Variants in MUC6 observed in about 807,000 individuals in gnomAD.
MUC6 encodes the protein mucin 6, oligomeric mucus/gel-forming (gene/pseudogene).
A neutral mutation model predicts 201.5 loss-of-function variants in MUC6; 188 were observed. That is an observed-to-expected ratio of 0.93 (90% CI 0.83 to 1.05). The LOEUF (loss-of-function observed/expected upper bound fraction) is 1.05, where lower values mean the gene tolerates loss of function less well. Ranked by LOEUF, MUC6 falls within the 50% of genes least tolerant of loss-of-function variation. The pLI is 0.00. For synonymous variants in MUC6, 1,228 were observed against 1,389.4 expected (o/e 0.88, Z 2.58); for missense variants, 2,706 against 3,256.9 (o/e 0.83, Z 4.12).
rs117709287 is a variant in MUC6 at position 1,034,399 on chromosome 11, C to A, written c.53-1324G>T. ...AGCCTGGCGAGCACCTACCCCCTCA[C>A]TCATCCCCCTCCTGGGGGTCCCAGT... On this transcript the variant is annotated intron_variant, in intron 1 of 32. Coordinates refer to ENST00000421673, the MANE Select transcript of MUC6 (RefSeq NM_005961.3). Among the ~76,000 whole-genome samples, 142 of 152,340 alleles carry A rather than the reference C, an allele frequency of 9.3e-4. 1 individual carries two copies. The East Asian group carries it at 0.02, about 21-fold the overall frequency.
At chr11:1,018,903 T>G (rs1366945618) in intron 30 of MUC6, 133 bp from the exon 31 acceptor site, 4 of 1,201,726 alleles carry the variant, frequency 3.3e-6, no homozygotes, top group Non-Finnish European at 4.6e-6. Context: ...TGGCCCCTGC[T>G]GGGCACTCCA....
intron 20 of MUC6, 41 bp downstream of exon 20, chr11:1,026,286 C>T (rs764114562): frequency 2.6e-6 from 4 of 1,551,288 alleles, no homozygotes; most frequent in Non-Finnish European, 3.5e-6. Context: ...CCCCAGATGG[C>T]CCCAGGAGCC....
rs1194625466 is a variant in MUC6, at chr11:1,017,606, C to T, written c.5195G>A (p.Gly1732Glu). ...GTPPMTVTTS[G>E]TSQSRSSFST... ...AAATGAGCTTCGGGATTGGCTGGTC[C>T]CACTGGTGGTCACTGTCATTGGTGG... Residue 1732 changes from glycine to glutamate, a missense_variant, in exon 31 of 33, where the codon GGG becomes GAG. Around this residue, in one of 10 missense-constraint regions of MUC6, gnomAD observed 23 missense variants for 16.1 expected, o/e 1.42. Transcript: ENST00000421673. 7.7e-7 allele frequency: 1 copy of T among 1,295,250 alleles called. No individual in the cohort carries two copies. The highest frequency in any genetic ancestry group is 2.9e-5 in the East Asian group (1 of 34,690). The allele number at this position is 1,295,250 out of a possible 1,614,324, so 80.2% of individuals were successfully genotyped here.
In MUC6 at chr11:1,016,117, T is replaced by G. The variant is rs745737267; in HGVS notation, c.6684A>C (p.Ile2228=). ...GGGTGGGAGACACGGTAACAGTGGATATGGGGAGTAGAGCAGAGAGGGTGA... is the reference window on the plus strand; with the variant it reads ...GGGTGGGAGACACGGTAACAGTGGAGATGGGGAGTAGAGCAGAGAGGGTGA... ...SPFTLSALLP[I]STVTVSPTPS... is the part of the protein sequence containing the mutation. Residue 2228 remains isoleucine, a synonymous_variant, in exon 31 of 33, where the codon ATA becomes ATC. Coordinates refer to ENST00000421673, the MANE Select transcript of MUC6 (RefSeq NM_005961.3). The G allele has an allele frequency of 1.3e-5, 21 of 1,612,572 alleles. No individual in the cohort carries two copies. Among genetic ancestry groups the G allele is most frequent in the Non-Finnish European group, 1.7e-5 (20 of 1,179,446 alleles).
chr11:1,018,815 C>G (rs373659957), intron 30 of MUC6, 45 bp from the exon 31 acceptor site: 212 of 1,524,546 alleles, frequency 1.4e-4, no homozygotes, highest in Non-Finnish European at 1.8e-4. Flanking sequence ...TTTTGTTTCT[C>G]TACCCTGACC....
Position 1,016,173 on chromosome 11 carries a change from C to T in MUC6, c.6628G>A (p.Ala2210Thr). 1 of 1,613,130 alleles carries T rather than the reference C, an allele frequency of 6.2e-7. No homozygotes were observed. The highest frequency in any genetic ancestry group is 8.5e-7 in the Non-Finnish European group (1 of 1,179,696). Reference protein sequence around the residue: ...SSPAASTTIRATLPHTISSPF... With the variant: ...SSPAASTTIRTTLPHTISSPF... ...GAGGAGATAGTGTGGGGGAGAGTGGCCCTAATGGTAGTAGAGGCAGCTGGA... is the reference window on the plus strand; with the variant it reads ...GAGGAGATAGTGTGGGGGAGAGTGGTCCTAATGGTAGTAGAGGCAGCTGGA... Residue 2210 changes from alanine to threonine, a missense_variant, in exon 31 of 33, where the codon GCC (alanine) becomes ACC (threonine). This residue lies in a region of MUC6 where 586 missense variants were observed against 488.0 expected (regional missense o/e 1.20). Coordinates refer to ENST00000421673, the MANE Select transcript of MUC6 (RefSeq NM_005961.3).
chr11:1,016,124 A>G lies in MUC6; in HGVS notation c.6677T>C (p.Leu2226Pro). ...AGACACGGTAACAGTGGATATGGGG[A>G]GTAGAGCAGAGAGGGTGAAAGGAGA... Reference protein sequence around the residue: ...ISSPFTLSALLPISTVTVSPT... With the variant: ...ISSPFTLSALPPISTVTVSPT... The change falls in exon 31 of 33, where the codon CTC (leucine) becomes CCC (proline). Residue 2226 changes from leucine to proline, a missense_variant. Physicochemically the swap from Leu to Pro is moderately conservative, Grantham distance 98. Coordinates refer to ENST00000421673, the MANE Select transcript of MUC6 (RefSeq NM_005961.3). 1 of 1,613,458 alleles carries G rather than the reference A, an allele frequency of 6.2e-7. No individual in the cohort carries two copies. Among genetic ancestry groups the G allele is most frequent in the African/African-American group, 1.3e-5 (1 of 74,882 alleles).
At chr11:1,022,078 CCGCGCCTCT>C (rs1369320502) in intron 26 of MUC6, among the ~76,000 whole-genome samples, 3 of 142,960 alleles carry the variant, frequency 2.1e-5, no homozygotes, top group East Asian at 2.0e-4. Context: ...CTCTGCAGCC[CCGCGCCTCT>C]CACTCGCTCC....
chr11:1,026,195 G>C, intron 20 of MUC6, 54 bp from the exon 21 acceptor site: 1 of 1,557,520 alleles, frequency 6.4e-7, no homozygotes. Context: ...GCCATACTGG[G>C]TGTGGTCCCT....
At chr11:1,022,089 ACTCGCTCCCTCTGCCCTCTGCAGCCCCG>A (rs1564838270) in intron 26 of MUC6, among the ~76,000 whole-genome samples, 3 of 78,456 alleles carry the variant, frequency 3.8e-5, no homozygotes, top group East Asian at 3.3e-4. Flanking sequence ...CGCGCCTCTC[ACTCGCTCCCTCTGCCCTCTGCAGCCCCG>A]CGCCCCTCAC....
chr11:1,023,564 G>A lies in MUC6; in HGVS notation c.3471C>T (p.Tyr1157=), dbSNP rs574439204. The change falls in exon 26 of 33, where the codon TAC becomes TAT. Residue 1157 remains tyrosine (Y), a synonymous_variant. Coordinates refer to ENST00000421673, the MANE Select transcript of MUC6 (RefSeq NM_005961.3). The part of the protein sequence containing the change: ...YTQEANCTWH[Y]QPCLCPSQPQ... ...GCTGGCTGGGGCAGAGGCAGGGCTG[G>A]TAGTGCCACGTGCAGTTGGCCTCCT... 7.5e-6 allele frequency: 12 copies of A among 1,608,482 alleles called. No homozygotes were observed. In the East Asian group the frequency reaches 2.7e-4, roughly 36 times the overall value.
chr11:1,021,313 T>A, intron 26 of MUC6, 36 bp from the exon 27 acceptor site: 1 of 1,433,206 alleles, frequency 7.0e-7, no homozygotes, highest in Non-Finnish European at 9.2e-7. Context: ...GTGTGACTGG[T>A]GGCCAGCCAG....
rs995605821 is a variant in MUC6 at position 1,028,543 on chromosome 11, CAG to C, written c.1591+101_1591+102del. ...GTTACCCCTGGGGGCTCCCCGGACACAGAGGGTTGTGTGAACCTCTCTTGGAC... is the reference window on the plus strand; with the variant it reads ...GTTACCCCTGGGGGCTCCCCGGACACAGGGTTGTGTGAACCTCTCTTGGAC... On this transcript the variant is annotated intron_variant, in intron 13 of 32. Coordinates refer to ENST00000421673, the MANE Select transcript of MUC6 (RefSeq NM_005961.3). 88 of 1,541,552 alleles carry C rather than the reference CAG, an allele frequency of 5.7e-5. No individual in the cohort carries two copies. The African/African-American group carries it at 1.1e-3, about 20-fold the overall frequency.
chr11:1,015,629 T>C (rs912593363), intron 31 of MUC6, 133 bp downstream of exon 31: 4 of 1,372,186 alleles, frequency 2.9e-6, no homozygotes, highest in Non-Finnish European at 3.8e-6. Context: ...CTGGCAGGTG[T>C]GTAGGGAAGG....
intron 26 of MUC6, among the ~76,000 whole-genome samples, chr11:1,022,691 C>T (rs1232200534): frequency 6.6e-6 from 1 of 152,242 alleles, no homozygotes; most frequent in African/African-American, 2.4e-5. Context: ...GGCCAGGTCC[C>T]CTGACCTGGA....
At chr11:1,018,803 GT>G in intron 30 of MUC6, 33 bp from the exon 31 acceptor site, 1 of 1,533,014 alleles carries the variant, frequency 6.5e-7, no homozygotes, top group East Asian at 2.3e-5. Flanking sequence ...CATCGTTATT[GT>G]TTTTGTTTCT....
intron 26 of MUC6, 57 bp downstream of exon 26, chr11:1,023,452 A>G (rs1856872311): frequency 6.5e-7 from 1 of 1,532,100 alleles, no homozygotes; most frequent in Non-Finnish European, 8.8e-7. Flanking sequence ...ATGAATGTGC[A>G]TGAATGAGTG....
At chr11:1,030,017 C>T (rs993510852) in intron 8 of MUC6, among the ~76,000 whole-genome samples, 196 bp downstream of exon 8, 5 of 152,164 alleles carry the variant, frequency 3.3e-5, no homozygotes, top group African/African-American at 1.2e-4. Context: ...GCAGGGGTGG[C>T]CGTGGCTGGG....
chr11:1,032,888 T>G, intron 2 of MUC6, 125 bp downstream of exon 2: 1 of 748,894 alleles, frequency 1.3e-6, no homozygotes, highest in Non-Finnish European at 2.1e-6. Flanking sequence ...TGTGTGTTCA[T>G]GTTGGTGCAT....
Sources: gnomAD v4.1 joint callset for allele counts (sites outside exome capture counted in the v4.1 genomes callset) on GRCh38, gnomAD v4.1.1 for gene constraint, gnomAD v4.1.1 regional missense constraint, MANE v1.5 for transcripts, NCBI Gene and HGNC (gene_info 2026-07-23, HGNC 2026-07-21) for gene names.